EPB41L3: variants seen among roughly 807,000 people sequenced by gnomAD.
The protein encoded by EPB41L3 is erythrocyte membrane protein band 4.1 like 3.
Under a neutral mutation model 127.1 loss-of-function variants are expected in EPB41L3, and 57 were observed. The ratio of observed to expected loss-of-function variants is 0.45; its 90% CI spans 0.36 to 0.56. EPB41L3 has a LOEUF of 0.56. EPB41L3 is among the 20% of genes least tolerant of loss of function. The pLI is 0.00. For missense variants in EPB41L3, 1,273 were observed against 1,372.2 expected (o/e 0.93, Z 1.14); for synonymous variants, 572 against 549.5 (o/e 1.04, Z -0.57).
rs149231610 is a variant in EPB41L3, at chr18:5,475,301, C to T, written c.381+2940G>A. On this transcript the variant is annotated intron_variant, in intron 3 of 22. Transcript: ENST00000341928. ...CTCTAATCTTCTCAACAATGCCTTT[C>T]GAGGCAAGTATTTTCACCTTCATCT... 3.9e-5 allele frequency among the ~76,000 whole-genome samples: 6 copies of T among 152,282 alleles called. No homozygotes were observed. The East Asian group carries it at 7.7e-4, about 20-fold the overall frequency.
intron 16 of EPB41L3, among the ~76,000 whole-genome samples, chr18:5,401,315 T>A (rs918231556): frequency 3.9e-5 from 6 of 152,198 alleles, no homozygotes; most frequent in Admixed American, 1.3e-4. Context: ...AACTCAAATG[T>A]TCTTCATTTC....
intron 3 of EPB41L3, among the ~76,000 whole-genome samples, chr18:5,467,841 G>A (rs1053858433): frequency 6.6e-6 from 1 of 152,216 alleles, no homozygotes; most frequent in Non-Finnish European, 1.5e-5. Context: ...AGCAGGGGAG[G>A]CGCGGCCAAG....
At chr18:5,587,107 A>G (rs947409848) in intron 3 of EPB41L3, among the ~76,000 whole-genome samples, 13 of 152,200 alleles carry the variant, frequency 8.5e-5, no homozygotes, top group African/African-American at 1.2e-4. Context: ...ATAAGTTACT[A>G]TATCTGCCAA....
At chr18:5,466,005 T>C (rs1225473205) in intron 3 of EPB41L3, among the ~76,000 whole-genome samples, 1 of 151,496 alleles carries the variant, frequency 6.6e-6, no homozygotes, top group East Asian at 1.9e-4. Flanking sequence ...AACTATCAAA[T>C]ATCAGTATGT....
chr18:5,482,291 C>T (rs2088722609), intron 2 of EPB41L3, among the ~76,000 whole-genome samples: 1 of 151,916 alleles, frequency 6.6e-6, no homozygotes, highest in Admixed American at 6.6e-5. Flanking sequence ...GCTCAAAGAC[C>T]AGCTATTTGA....
chr18:5,422,353 TCCC>T (rs1381969826), intron 11 of EPB41L3, among the ~76,000 whole-genome samples: 2 of 152,104 alleles, frequency 1.3e-5, no homozygotes, highest in Non-Finnish European at 2.9e-5. Flanking sequence ...GGAGCACCTC[TCCC>T]CATCAATCAC....
rs757231249 is a variant in EPB41L3 at position 5,407,734 on chromosome 18, C to G, written c.2124G>C (p.Ser708=). The change falls in exon 15 of 23, where the codon TCG becomes TCC. Residue 708 remains serine, a splice_region_variant and synonymous_variant. Coordinates refer to ENST00000341928, the MANE Select transcript of EPB41L3 (RefSeq NM_012307.5). ...AADGETTATE[S]DQEEDAELKA... is the part of the protein sequence containing the mutation. ...TGAGCTCTGCATCTTCCTCCTGGTC[C>G]GACTGCCAGCATCAAGAAAGAGTGG... 3.3e-5 allele frequency: 53 copies of G among 1,613,764 alleles called. 1 individual carries two copies. In the South Asian group the frequency reaches 5.2e-4, roughly 16 times the overall value.
chr18:5,484,086 C>CAAAAAAAAAAAAAAAACCAAAAAA (rs2089169530), intron 2 of EPB41L3, among the ~76,000 whole-genome samples: 1 of 18,264 alleles, frequency 5.5e-5, no homozygotes, highest in African/African-American at 1.2e-4. Flanking sequence ...CAAACAAACT[C>CAAAAAAAAAAAAAAAACCAAAAAA]AAAAAAAAAA....
chr18:5,454,037 A>AAT (rs2082663026), intron 3 of EPB41L3, among the ~76,000 whole-genome samples: 1 of 152,220 alleles, frequency 6.6e-6, no homozygotes, highest in Middle Eastern at 3.4e-3. Context: ...GGAGACTCTA[A>AAT]AGAGTTCGGC....
In EPB41L3 at chr18:5,566,472, A is replaced by C. The variant is rs182121731; in HGVS notation, c.-306+45868T>G. Among the ~76,000 whole-genome samples, 572 of 152,336 alleles carry C rather than the reference A, an allele frequency of 3.8e-3. 2 individuals are homozygous for C. The highest frequency in any genetic ancestry group is 0.013 in the African/African-American group (544 of 41,580). On this transcript the variant is annotated intron_variant, in intron 3 of 21. Coordinates refer to the EPB41L3 transcript ENST00000545076. The stretch of plus-strand genomic sequence containing the variant: ...TAATGAAATAAAAGAGGATACAAAC[A>C]AATGGAAGAACATTCCATGGTCATG...
At chr18:5,472,117 T>C (rs1644329367) in intron 3 of EPB41L3, among the ~76,000 whole-genome samples, 1 of 152,212 alleles carries the variant, frequency 6.6e-6, no homozygotes, top group East Asian at 1.9e-4. Context: ...TGATGGACTA[T>C]TAAAGTTTAT....
chr18:5,483,683 T>C (rs994540330), intron 2 of EPB41L3, among the ~76,000 whole-genome samples: 31 of 152,006 alleles, frequency 2.0e-4, no homozygotes, highest in South Asian at 2.1e-4. Flanking sequence ...GCTATACTTA[T>C]ATAAGAGAGA....
exon 2 of EPB41L3, chr18:5,614,370 G>A (rs1469882818): frequency 2.6e-5 from 4 of 152,050 alleles, no homozygotes; most frequent in Non-Finnish European, 4.4e-5. Flanking sequence ...CCAAGTTTCT[G>A]CTTGATTCAT....
chr18:5,554,306 C>T (rs2094004688), intron 3 of EPB41L3, among the ~76,000 whole-genome samples: 1 of 152,144 alleles, frequency 6.6e-6, no homozygotes, highest in Non-Finnish European at 1.5e-5. Flanking sequence ...ATGGAGAAGG[C>T]ATTCAATCTA....
At chr18:5,421,844 C>G (rs138253215) in intron 11 of EPB41L3, among the ~76,000 whole-genome samples, 23 of 151,382 alleles carry the variant, frequency 1.5e-4, no homozygotes, top group Non-Finnish European at 3.1e-4. Context: ...GTGGTGGTGA[C>G]GGATAAAAAA....
rs745604519 is a variant in EPB41L3 at position 5,396,234 on chromosome 18, G to A, written c.2940C>T (p.Thr980=). ...ATTCATATGTGATGGTTTTGGTTTCGGTGTGAACTACTGGCACTTCCTTCG... is the reference window on the plus strand; with the variant it reads ...ATTCATATGTGATGGTTTTGGTTTCAGTGTGAACTACTGGCACTTCCTTCG... ...ISTKEVPVVH[T]ETKTITYESS... is the part of the protein sequence containing the mutation. The change falls in exon 19 of 23, where the codon ACC becomes ACT. Residue 980 remains threonine, a synonymous_variant. Transcript: ENST00000341928. 7 of 1,614,036 alleles carry A rather than the reference G, an allele frequency of 4.3e-6. No individual in the cohort carries two copies. Among genetic ancestry groups the A allele is most frequent in the Admixed American group, 1.7e-5 (1 of 60,008 alleles).
chr18:5,478,085 CCT>C (rs1317658421), intron 3 of EPB41L3, among the ~76,000 whole-genome samples, 154 bp downstream of exon 3: 6 of 151,968 alleles, frequency 3.9e-5, no homozygotes, highest in Non-Finnish European at 8.8e-5. Context: ...AATCTGATCC[CCT>C]GTTACAGACT....
intron 3 of EPB41L3, among the ~76,000 whole-genome samples, chr18:5,609,308 T>C (rs1380959626): frequency 6.6e-6 from 1 of 152,220 alleles, no homozygotes; most frequent in Non-Finnish European, 1.5e-5. Context: ...TATAATATCA[T>C]ACCAATCAAA....
At chr18:5,419,040 T>G (rs2077154294) in intron 12 of EPB41L3, among the ~76,000 whole-genome samples, 1 of 152,228 alleles carries the variant, frequency 6.6e-6, no homozygotes, top group African/African-American at 2.4e-5. Flanking sequence ...AAAGTTGCTT[T>G]GTAGTGCTGG....
Sources: allele counts gnomAD v4.1 joint callset (sites outside exome capture counted in the v4.1 genomes callset), GRCh38; gene constraint gnomAD v4.1.1; transcripts MANE v1.5; gene names NCBI Gene and HGNC (gene_info 2026-07-23, HGNC 2026-07-21).